Variants in ARVCF observed in about 807,000 individuals in gnomAD.
ARVCF encodes splicing regulator ARVCF.
In ARVCF, 66 loss-of-function variants were observed where a neutral mutation model predicts 90.9. The ratio of observed to expected loss-of-function variants is 0.73; its 90% CI spans 0.60 to 0.89. ARVCF has a LOEUF of 0.89. Ranked by LOEUF, ARVCF falls within the 40% of genes least tolerant of loss-of-function variation. ARVCF has a pLI of 0.00. For synonymous variants in ARVCF, 653 were observed against 603.4 expected, an observed-to-expected ratio of 1.08 and a Z score of -1.21; for missense variants, 1,469 against 1,382.3, an observed-to-expected ratio of 1.06 and a Z score of -1.00.
At chr22:19,987,181 C>T (rs1052458274) in intron 3 of ARVCF, 2 of 428,920 alleles carry the variant, frequency 4.7e-6, no homozygotes, top group Non-Finnish European at 8.3e-6. Context: ...CGCTCGGGCT[C>T]AGGCTCGGCG....
chr22:19,973,802 G>A lies in ARVCF; in HGVS notation c.2089-9C>T, dbSNP rs370099853. On this transcript the variant is annotated splice_polypyrimidine_tract_variant and intron_variant, in intron 12 of 19. Coordinates refer to ENST00000263207, the MANE Select transcript of ARVCF (RefSeq NM_001670.3). Reference sequence around the variant, plus strand: ...CGGATGTACGTGGCCCACTGCGGAGGCGGGGAGAGGGTTGCTCAGACATAC... The same window carrying A: ...CGGATGTACGTGGCCCACTGCGGAGACGGGGAGAGGGTTGCTCAGACATAC... 22 of 1,600,202 alleles carry A rather than the reference G, an allele frequency of 1.4e-5. No individual in the cohort carries two copies. Among genetic ancestry groups the A allele is most frequent in the Non-Finnish European group, 1.8e-5 (21 of 1,176,748 alleles).
At chr22:19,973,593 G>C in intron 13 of ARVCF, 50 bp downstream of exon 13, 1 of 1,564,198 alleles carries the variant, frequency 6.4e-7, no homozygotes, top group Non-Finnish European at 8.7e-7. Flanking sequence ...GGACCCCAAA[G>C]CTGCAGGCAC....
intron 3 of ARVCF, among the ~76,000 whole-genome samples, chr22:19,985,332 G>GC (rs1183168784): frequency 6.6e-6 from 1 of 152,164 alleles, no homozygotes; most frequent in Non-Finnish European, 1.5e-5. Flanking sequence ...CCCAGGACTG[G>GC]CCCAGAAACA....
At position 19,979,963 on chromosome 22, in the gene ARVCF, G is replaced by A. The variant is rs1943394118; in HGVS notation, c.1176C>T (p.Val392=). ...CCCGCAACTGCCGTACACGCCGCTTGACACCCTCGTTCTCAAAGCACAGAT... is the reference window on the plus strand; with the variant it reads ...CCCGCAACTGCCGTACACGCCGCTTAACACCCTCGTTCTCAAAGCACAGAT... The part of the protein sequence containing the change: ...LQHLCFENEG[V]KRRVRQLRGL... Residue 392 remains valine (V), a synonymous_variant, in exon 6 of 20, where the codon GTC becomes GTT. Coordinates refer to ENST00000263207, the MANE Select transcript of ARVCF (RefSeq NM_001670.3). 1.3e-6 allele frequency: 2 copies of A among 1,595,904 alleles called. No homozygotes were observed. Among genetic ancestry groups the A allele is most frequent in the East Asian group, 2.3e-5 (1 of 43,936 alleles).
chr22:19,988,947 G>A (rs1943923446), intron 3 of ARVCF, among the ~76,000 whole-genome samples: 1 of 152,202 alleles, frequency 6.6e-6, no homozygotes, highest in East Asian at 1.9e-4. Flanking sequence ...GGTCAGGGTA[G>A]CTCCAGGCTG....
chr22:19,972,690 G>A, intron 16 of ARVCF, 47 bp downstream of exon 16: 1 of 1,541,110 alleles, frequency 6.5e-7, no homozygotes, highest in Non-Finnish European at 8.7e-7. Context: ...GGCAACTGGG[G>A]CAGCTGGGGT....
At position 19,988,148 on chromosome 22, in the gene ARVCF, C is replaced by G. The variant is rs1209470736; in HGVS notation, c.210+2437G>C. Among the ~76,000 whole-genome samples, 3 of 152,194 alleles carry G rather than the reference C, an allele frequency of 2.0e-5. No individual in the cohort carries two copies. In the East Asian group the frequency reaches 5.8e-4, roughly 29 times the overall value. On this transcript the variant is annotated intron_variant, in intron 3 of 19. Coordinates refer to ENST00000263207, the MANE Select transcript of ARVCF (RefSeq NM_001670.3). ...CCTCAGAAAACAGCCTCCGCAGGGA[C>G]CACTCCCTGCTGCCCTGAGCGCCAT... is the stretch of plus-strand genomic sequence containing the variant.
chr22:19,975,808 G>A (rs1210962810), intron 10 of ARVCF, 51 bp from the exon 11 acceptor site: 4 of 1,589,110 alleles, frequency 2.5e-6, no homozygotes, highest in Admixed American at 1.7e-5. Flanking sequence ...TGGGGAATGG[G>A]TGTATCAGGA....
At chr22:20,005,259 A>G (rs1944578852) in intron 2 of ARVCF, among the ~76,000 whole-genome samples, 1 of 152,218 alleles carries the variant, frequency 6.6e-6, no homozygotes, top group Non-Finnish European at 1.5e-5. Context: ...CAAAGAAGAT[A>G]TATAAACGGC....
downstream of ARVCF, among the ~76,000 whole-genome samples, chr22:19,966,671 C>T (rs1027638342): frequency 6.6e-6 from 1 of 152,102 alleles, no homozygotes; most frequent in Admixed American, 6.5e-5. Flanking sequence ...AAACTCCTGG[C>T]CTCAAGCGAT....
chr22:19,992,915 G>C (rs946731877), intron 2 of ARVCF, among the ~76,000 whole-genome samples: 4 of 152,326 alleles, frequency 2.6e-5, no homozygotes, highest in Admixed American at 2.6e-4. Context: ...GGCTCTGGCT[G>C]AGGGCTCAGT....
At chr22:20,014,510 T>C (rs541132909) in intron 1 of ARVCF, among the ~76,000 whole-genome samples, 8 of 152,338 alleles carry the variant, frequency 5.3e-5, no homozygotes, top group Admixed American at 3.3e-4. Flanking sequence ...CTGGTCTTAA[T>C]TGAAGCTGCT....
intron 2 of ARVCF, among the ~76,000 whole-genome samples, chr22:20,001,241 A>G (rs1273949386): frequency 6.6e-6 from 1 of 152,142 alleles, no homozygotes; most frequent in Non-Finnish European, 1.5e-5. Flanking sequence ...CAAGATCTGC[A>G]GGACCCCCTG....
intron 2 of ARVCF, among the ~76,000 whole-genome samples, chr22:20,000,190 T>C (rs2146438454): frequency 6.6e-6 from 1 of 152,336 alleles, no homozygotes; most frequent in African/African-American, 2.4e-5. Flanking sequence ...GGAGGTTCCA[T>C]GTCCCCTTTG....
At chr22:19,970,973 C>G (rs1186304279) in intron 19 of ARVCF, among the ~76,000 whole-genome samples, 19 of 152,196 alleles carry the variant, frequency 1.2e-4, no homozygotes, top group Admixed American at 1.2e-3. Context: ...CTACTCTGGT[C>G]CCATTTCCTC....
At chr22:20,013,005 C>T (rs1342119872) in intron 1 of ARVCF, among the ~76,000 whole-genome samples, 1 of 152,248 alleles carries the variant, frequency 6.6e-6, no homozygotes, top group Non-Finnish European at 1.5e-5. Flanking sequence ...CAGCAGGCCA[C>T]CCCCTCCCCA....
intron 3 of ARVCF, chr22:19,987,143 GGAC>G (rs1183613432): frequency 4.2e-6 from 2 of 479,050 alleles, no homozygotes; most frequent in African/African-American, 4.1e-5. Context: ...GGCGGTGGCT[GGAC>G]CAGGCTCGGC....
rs1278550082 is a variant in ARVCF at position 19,981,932 on chromosome 22, C to A, written c.369+1G>T. 1 of 1,612,240 alleles carries A rather than the reference C, an allele frequency of 6.2e-7. No homozygotes were observed. Among genetic ancestry groups the A allele is most frequent in the Non-Finnish European group, 8.5e-7 (1 of 1,179,604 alleles). On this transcript the variant is annotated splice_donor_variant, in intron 4 of 19. Transcript: ENST00000263207. LOFTEE classifies it high-confidence loss of function. ...CACCCACTGCCTGGGCCTGGCCATA[C>A]CTTGGTCTCGGTGCGCCGGGTTGTG...
At chr22:19,986,965 G>A in intron 3 of ARVCF, 2 of 612,044 alleles carry the variant, frequency 3.3e-6, no homozygotes, top group Non-Finnish European at 2.9e-6. Flanking sequence ...TAGCTGCCTC[G>A]GGCCAGCGGC....
Sources: allele counts gnomAD v4.1 joint callset (sites outside exome capture counted in the v4.1 genomes callset), GRCh38; gene constraint gnomAD v4.1.1; transcripts MANE v1.5; gene names NCBI Gene and HGNC (gene_info 2026-07-23, HGNC 2026-07-21).